Variants in ASL observed in about 807,000 individuals in gnomAD.
The protein encoded by ASL is argininosuccinase.
Under a neutral mutation model 69.1 loss-of-function variants are expected in ASL, and 51 were observed. The observed-to-expected ratio is 0.74, with a 90% CI of 0.59 to 0.93. ASL has a LOEUF of 0.93. ASL is among the 40% of genes least tolerant of loss of function. The pLI, the probability that ASL is intolerant of heterozygous loss-of-function variation, is 0.00. For synonymous variants in ASL, 241 were observed against 247.6 expected, an observed-to-expected ratio of 0.97 and a Z score of 0.25; for missense variants, 540 against 623.9, an observed-to-expected ratio of 0.87 and a Z score of 1.43.
At chr7:66,080,201 A>G (rs1293579773) in intron 2 of ASL, among the ~76,000 whole-genome samples, 2 of 151,454 alleles carry the variant, frequency 1.3e-5, no homozygotes, top group Non-Finnish European at 2.9e-5. Context: ...AACAAGGTGA[A>G]ACCACGTCTC....
intron 8 of ASL, 85 bp downstream of exon 8, chr7:66,086,906 GTGGGACAGAAAACCGCCTTATC>G: frequency 6.8e-7 from 1 of 1,474,526 alleles, no homozygotes; most frequent in Non-Finnish European, 9.2e-7. Context: ...GAAGTGCAGA[GTGGGACAGAAAACCGCCTTATC>G]TGCTCAGCGG....
At position 66,081,813 on chromosome 7, in the gene ASL, T is replaced by C. The variant is rs768690501; in HGVS notation, c.23T>C (p.Leu8Pro). MASESGK[L>P]WGGRFVGAVD... ...TGCTCTCCTGGCCAGAGTGGGAAGC[T>C]TTGGGGTGGCCGGTTTGTGGGTGCA... The change falls in exon 3 of 17, where the codon CTT (leucine) becomes CCT (proline). Residue 8 changes from leucine to proline, a missense_variant. Transcript: ENST00000304874. 1 of 1,613,654 alleles carries C rather than the reference T, an allele frequency of 6.2e-7. No homozygotes were observed. Among genetic ancestry groups the C allele is most frequent in the South Asian group, 1.1e-5 (1 of 91,066 alleles).
rs961905885 is a variant in ASL at position 66,093,178 on chromosome 7, G to C, written c.*266G>C. Reference sequence around the variant, plus strand: ...TCAATAATAAAACAAATAGCCTGGCGTGGTGGCCCATGCATATAGTCCCAG... The same window carrying C: ...TCAATAATAAAACAAATAGCCTGGCCTGGTGGCCCATGCATATAGTCCCAG... On this transcript the variant is annotated 3_prime_UTR_variant, in exon 17 of 17. Transcript: ENST00000304874. The C allele has an allele frequency of 1.3e-5, 7 of 554,588 alleles. No homozygotes were observed. The highest frequency in any genetic ancestry group is 2.3e-5 in the Non-Finnish European group (7 of 310,108). The allele number at this position is 554,588 out of a possible 1,614,324, so 34.4% of individuals were successfully genotyped here.
intron 14 of ASL, among the ~76,000 whole-genome samples, 176 bp downstream of exon 14, chr7:66,089,871 C>G (rs1584033220): frequency 6.6e-6 from 1 of 152,100 alleles, no homozygotes; most frequent in East Asian, 1.9e-4. Flanking sequence ...TGCTGCCATG[C>G]AGTGGAAGTA....
At chr7:66,087,120 G>T in intron 8 of ASL, 1 of 657,680 alleles carries the variant, frequency 1.5e-6, no homozygotes, top group Non-Finnish European at 2.7e-6. Flanking sequence ...TAGTGCTTGG[G>T]GACAAGTGTT....
At position 66,086,834 on chromosome 7, in the gene ASL, C is replaced by G. The variant is rs12536292; in HGVS notation, c.602+13C>G. The G allele has an allele frequency of 6.4e-7, 1 of 1,564,108 alleles. No homozygotes were observed. The highest frequency in any genetic ancestry group is 8.7e-7 in the Non-Finnish European group (1 of 1,154,950). On this transcript the variant is annotated intron_variant, in intron 8 of 16. Coordinates refer to ENST00000304874, the MANE Select transcript of ASL (RefSeq NM_000048.4). ...TGCCCCTGGGGAGGTGGGTGAGGCT[C>G]CAGTGCCCCGAGGGCCTGGTGGGGG...
At position 66,091,114 on chromosome 7, in the gene ASL, A is replaced by G. The variant is rs982397640; in HGVS notation, c.1063-892A>G. Among the ~76,000 whole-genome samples, 18 of 151,722 alleles carry G rather than the reference A, an allele frequency of 1.2e-4. 1 individual carries two copies. Among genetic ancestry groups the G allele is most frequent in the Admixed American group, 9.9e-4 (15 of 15,198 alleles). ...CTCCATCTCAAAAAAAAAAAAAAAAAAAAAAGGCAGTGTTTCTGGAGGCTA... is the reference window on the plus strand; with the variant it reads ...CTCCATCTCAAAAAAAAAAAAAAAAGAAAAAGGCAGTGTTTCTGGAGGCTA... On this transcript the variant is annotated intron_variant, in intron 14 of 16. Transcript: ENST00000304874.
rs569785438 is a variant in ASL at position 66,080,303 on chromosome 7, G to A, written c.13-1500G>A. On this transcript the variant is annotated intron_variant, in intron 2 of 16. Coordinates refer to ENST00000304874, the MANE Select transcript of ASL (RefSeq NM_000048.4). ...CAGGAGGCTGAGGCAGGAGAATGGCGTGAATCTGGGAGGTGGAGCTTGCAG... is the reference window on the plus strand; with the variant it reads ...CAGGAGGCTGAGGCAGGAGAATGGCATGAATCTGGGAGGTGGAGCTTGCAG... Among the ~76,000 whole-genome samples, 267 of 146,212 alleles carry A rather than the reference G, an allele frequency of 1.8e-3. 1 individual carries two copies. The highest frequency in any genetic ancestry group is 5.2e-3 in the African/African-American group (208 of 39,710).
intron 2 of ASL, among the ~76,000 whole-genome samples, chr7:66,080,443 T>C (rs1786471524): frequency 6.8e-6 from 1 of 146,684 alleles, no homozygotes; most frequent in Admixed American, 6.9e-5. Flanking sequence ...CAAAACAGGC[T>C]CGGCACAGTG....
intron 14 of ASL, 112 bp downstream of exon 14, chr7:66,089,807 G>T: frequency 8.6e-7 from 1 of 1,161,192 alleles, no homozygotes; most frequent in South Asian, 1.3e-5. Flanking sequence ...CCTGGGGCAG[G>T]GAAGGAGAGG....
chr7:66,092,473 AAAAAG>A, intron 15 of ASL, 79 bp from the exon 16 acceptor site: 2 of 1,328,162 alleles, frequency 1.5e-6, no homozygotes, highest in Non-Finnish European at 2.1e-6. Flanking sequence ...AAAAAAAAAA[AAAAAG>A]GAAGGGGGTG....
intron 2 of ASL, among the ~76,000 whole-genome samples, chr7:66,077,128 G>A (rs1024061768): frequency 6.6e-6 from 1 of 152,194 alleles, no homozygotes; most frequent in Middle Eastern, 3.2e-3. Context: ...ACAGGGCTGA[G>A]CAACAGTAGG....
intron 6 of ASL, 50 bp from the exon 7 acceptor site, chr7:66,086,535 C>A: frequency 6.3e-7 from 1 of 1,596,780 alleles, no homozygotes; most frequent in Non-Finnish European, 8.6e-7. Context: ...GTGTCACAGG[C>A]AGGCCTTGCA....
chr7:66,084,441 C>G (rs1395412612), intron 6 of ASL, among the ~76,000 whole-genome samples: 1 of 152,062 alleles, frequency 6.6e-6, no homozygotes, highest in African/African-American at 2.4e-5. Flanking sequence ...GGATTACACC[C>G]ATAAGCCACT....
At chr7:66,087,631 C>T in intron 9 of ASL, 98 bp from the exon 10 acceptor site, 1 of 1,335,456 alleles carries the variant, frequency 7.5e-7, no homozygotes, top group Non-Finnish European at 1.1e-6. Context: ...CAGCTGTTGC[C>T]CCACCCTGAT....
At chr7:66,084,720 C>G (rs563262416) in intron 6 of ASL, among the ~76,000 whole-genome samples, 1 of 151,866 alleles carries the variant, frequency 6.6e-6, no homozygotes, top group Non-Finnish European at 1.5e-5. Context: ...CCCAGGTTCA[C>G]GCCATTCTCC....
chr7:66,079,694 A>C (rs1584018225), intron 2 of ASL, among the ~76,000 whole-genome samples: 1 of 151,998 alleles, frequency 6.6e-6, no homozygotes, highest in South Asian at 2.1e-4. Flanking sequence ...ATCTTGGCTC[A>C]CTGCAACCTC....
chr7:66,076,987 C>T (rs1381142947), intron 2 of ASL, among the ~76,000 whole-genome samples: 1 of 152,130 alleles, frequency 6.6e-6, no homozygotes, highest in Admixed American at 6.6e-5. Flanking sequence ...AGGGCCTGGA[C>T]TTTGGAGCCA....
At chr7:66,087,016 T>C (rs1351198772) in intron 8 of ASL, 195 bp downstream of exon 8, 1 of 740,582 alleles carries the variant, frequency 1.4e-6, no homozygotes, top group East Asian at 2.7e-5. Context: ...GCCAGAGCCC[T>C]CCAGCAAGGC....
Sources: gnomAD v4.1 joint callset for allele counts (sites outside exome capture counted in the v4.1 genomes callset) on GRCh38, gnomAD v4.1.1 for gene constraint, MANE v1.5 for transcripts, NCBI Gene and HGNC (gene_info 2026-07-23, HGNC 2026-07-21) for gene names.